The following NAV3 variants were observed in gnomAD, a reference collection of about 807,000 sequenced individuals.
NAV3 encodes neuron navigator 3.
In NAV3, 87 loss-of-function variants were observed where a neutral mutation model predicts 244.7. The observed-to-expected ratio is 0.36, with a 90% CI of 0.30 to 0.42. The LOEUF (loss-of-function observed/expected upper bound fraction) is 0.42, where lower values mean the gene tolerates loss of function less well. Ranked by LOEUF, NAV3 falls within the 20% of genes least tolerant of loss-of-function variation. NAV3 has a pLI of 1.00. For missense variants in NAV3, 2,663 were observed against 2,893.3 expected, an observed-to-expected ratio of 0.92 and a Z score of 1.83; for synonymous variants, 1,126 against 1,042.2, an observed-to-expected ratio of 1.08 and a Z score of -1.55.
intron 1 of NAV3, among the ~76,000 whole-genome samples, chr12:77,872,663 G>T (rs1316679378): frequency 1.3e-5 from 2 of 152,096 alleles, no homozygotes; most frequent in East Asian, 1.9e-4. Flanking sequence ...ATGCATTAAG[G>T]CTTTTGGCAT....
At chr12:77,608,229 A>G (rs1265487813) in intron 2 of NAV3, among the ~76,000 whole-genome samples, 1 of 152,092 alleles carries the variant, frequency 6.6e-6, no homozygotes, top group Admixed American at 6.6e-5. Context: ...CAAGATATGG[A>G]CATACTGTAA....
intron 1 of NAV3, among the ~76,000 whole-genome samples, chr12:77,905,101 A>G (rs1251983052): frequency 1.3e-5 from 2 of 152,166 alleles, no homozygotes; most frequent in African/African-American, 2.4e-5. Context: ...AAATTATTTC[A>G]TTGAAAGTTC....
chr12:77,925,531 T>A (rs939244567), intron 1 of NAV3, among the ~76,000 whole-genome samples: 2 of 25,144 alleles, frequency 8.0e-5, no homozygotes, highest in Admixed American at 6.5e-4. Context: ...GATTTTAGGA[T>A]GAAAAGGCGG....
chr12:77,784,183 G>A (rs1210897864), intron 2 of NAV3, among the ~76,000 whole-genome samples: 1 of 152,156 alleles, frequency 6.6e-6, no homozygotes, highest in Admixed American at 6.6e-5. Flanking sequence ...ATGTGATCAT[G>A]CTATAGAGGA....
intron 1 of NAV3, among the ~76,000 whole-genome samples, chr12:77,888,168 C>G (rs1037989658): frequency 6.6e-6 from 1 of 151,956 alleles, no homozygotes; most frequent in African/African-American, 2.4e-5. Flanking sequence ...TAAACCCATA[C>G]TCTAACTAAA....
chr12:77,819,832 C>A (rs1040471838), intron 2 of NAV3, among the ~76,000 whole-genome samples: 2 of 151,934 alleles, frequency 1.3e-5, no homozygotes, highest in African/African-American at 4.8e-5. Context: ...AAAACAGGAA[C>A]GAGAAAGATA....
chr12:77,729,665 A>G (rs1331373105), intron 2 of NAV3, among the ~76,000 whole-genome samples: 1 of 151,976 alleles, frequency 6.6e-6, no homozygotes, highest in Non-Finnish European at 1.5e-5. Context: ...CACTGAAACA[A>G]GGAAGAAGAG....
chr12:77,981,186 G>A lies in NAV3; in HGVS notation c.671+12484G>A, dbSNP rs529977446. On this transcript the variant is annotated intron_variant, in intron 5 of 39. Coordinates refer to ENST00000397909, the MANE Select transcript of NAV3 (RefSeq NM_001024383.2). Reference sequence around the variant, plus strand: ...AGTGAACTCTTAGCAAAAGGAGAACGTATTTTATGATATACTCTGCAGTGA... The same window carrying A: ...AGTGAACTCTTAGCAAAAGGAGAACATATTTTATGATATACTCTGCAGTGA... Among the ~76,000 whole-genome samples, 6 of 152,196 alleles carry A rather than the reference G, an allele frequency of 3.9e-5. No homozygotes were observed. The South Asian group carries it at 6.2e-4, about 16-fold the overall frequency.
chr12:77,879,918 G>A (rs946345698), intron 1 of NAV3, among the ~76,000 whole-genome samples: 12 of 152,112 alleles, frequency 7.9e-5, no homozygotes, highest in Admixed American at 7.9e-4. Flanking sequence ...AAATGCTTGT[G>A]CTTCCAGGAC....
At chr12:77,835,298 C>T (rs1341478413) in intron 1 of NAV3, among the ~76,000 whole-genome samples, 1 of 152,178 alleles carries the variant, frequency 6.6e-6, no homozygotes, top group Non-Finnish European at 1.5e-5. Context: ...ATGTGCTCAG[C>T]TAAGAATTAT....
chr12:78,188,335 C>A lies in NAV3; in HGVS notation c.5878C>A (p.Leu1960Ile), dbSNP rs542710997. The change falls in exon 32 of 40, where the codon CTC (leucine) becomes ATC (isoleucine). Residue 1960 changes from leucine to isoleucine, a missense_variant. Around this residue, in one of 6 missense-constraint regions of NAV3, gnomAD observed 543 missense variants for 672.4 expected, o/e 0.81. Transcript: ENST00000397909. ...WDVLDGVIRRLFKEYVFRIDT... is the reference protein window; with the variant it reads ...WDVLDGVIRRIFKEYVFRIDT... The stretch of plus-strand genomic sequence containing the variant: ...TGTCTTAGATGGTGTAATAAGACGT[C>A]TCTTTAAGGTATGTTGTGCAAGACA... 4.3e-6 allele frequency: 7 copies of A among 1,609,736 alleles called. No individual in the cohort carries two copies. Among genetic ancestry groups the A allele is most frequent in the African/African-American group, 1.3e-5 (1 of 74,860 alleles).
chr12:77,898,409 A>T (rs1222205205), intron 1 of NAV3, among the ~76,000 whole-genome samples: 3 of 152,232 alleles, frequency 2.0e-5, no homozygotes, highest in Non-Finnish European at 4.4e-5. Context: ...ATAGACGCAA[A>T]CAAATTGAAA....
chr12:77,642,694 CAT>C (rs913830184), intron 2 of NAV3, among the ~76,000 whole-genome samples: 8 of 151,950 alleles, frequency 5.3e-5, no homozygotes, highest in African/African-American at 1.9e-4. Flanking sequence ...TAGGACAAGA[CAT>C]AAAATGGCAA....
intron 9 of NAV3, among the ~76,000 whole-genome samples, chr12:78,035,486 T>A (rs1230171163): frequency 6.6e-6 from 1 of 152,156 alleles, no homozygotes; most frequent in Non-Finnish European, 1.5e-5. Context: ...ACAAGGTAAA[T>A]ACAAGAAAAT....
At chr12:77,996,132 C>T (rs1224918013) in intron 6 of NAV3, among the ~76,000 whole-genome samples, 1 of 152,094 alleles carries the variant, frequency 6.6e-6, no homozygotes. Flanking sequence ...TGAAACAGGT[C>T]AATTTGCATT....
intron 2 of NAV3, among the ~76,000 whole-genome samples, chr12:77,745,410 C>T (rs1269632853): frequency 6.6e-6 from 1 of 151,864 alleles, no homozygotes; most frequent in East Asian, 1.9e-4. Context: ...GACAGATTGC[C>T]TAGGGGAAGA....
Position 78,007,401 on chromosome 12 carries a change from A to G in NAV3, c.1863A>G (p.Gln621=), listed in dbSNP as rs2136601307. The G allele has an allele frequency of 6.2e-7, 1 of 1,614,168 alleles. No homozygotes were observed. Among genetic ancestry groups the G allele is most frequent in the Non-Finnish European group, 8.5e-7 (1 of 1,180,024 alleles). ...NGAVQLPQQQ[Q]HSHPNTATVA... ...CTGTCCAACTCCCTCAACAGCAGCA[A>G]CATAGCCACCCGAATACCGCGACAG... The change falls in exon 8 of 40, where the codon CAA becomes CAG. Residue 621 remains glutamine, a synonymous_variant. Transcript: ENST00000397909.
At position 77,999,144 on chromosome 12, in the gene NAV3, C is replaced by T. The variant is rs559972439; in HGVS notation, c.880+668C>T. 1.9e-4 allele frequency among the ~76,000 whole-genome samples: 29 copies of T among 152,286 alleles called. No homozygotes were observed. In the East Asian group the frequency reaches 2.7e-3, roughly 14 times the overall value. ...CATTTAAAGAGGTGCTGATTTGATGCTTGTCACTGAGTAGCAGAGAGGACG... is the reference window on the plus strand; with the variant it reads ...CATTTAAAGAGGTGCTGATTTGATGTTTGTCACTGAGTAGCAGAGAGGACG... On this transcript the variant is annotated intron_variant, in intron 7 of 39. Coordinates refer to ENST00000397909, the MANE Select transcript of NAV3 (RefSeq NM_001024383.2).
chr12:77,815,842 A>G (rs1872509042), intron 2 of NAV3, among the ~76,000 whole-genome samples: 2 of 152,216 alleles, frequency 1.3e-5, no homozygotes, highest in Admixed American at 1.3e-4. Flanking sequence ...AGATATACCA[A>G]TAAAACAACA....
Sources: allele counts gnomAD v4.1 joint callset (sites outside exome capture counted in the v4.1 genomes callset), GRCh38; gene constraint gnomAD v4.1.1; regional missense constraint gnomAD v4.1.1; transcripts MANE v1.5; gene names NCBI Gene and HGNC (gene_info 2026-07-23, HGNC 2026-07-21).